MTHFD1: variants seen among roughly 807,000 people sequenced by gnomAD.
The protein encoded by MTHFD1 is C-1-tetrahydrofolate synthase, cytoplasmic.
MTHFD1 carries 44 observed loss-of-function variants against 110.3 expected under a neutral mutation model. The ratio of observed to expected loss-of-function variants is 0.40; its 90% CI spans 0.31 to 0.51. The LOEUF (loss-of-function observed/expected upper bound fraction) is 0.51. Among genes scored for constraint, MTHFD1 ranks in the 20% least tolerant of loss-of-function variants. The pLI is 0.60. For synonymous variants in MTHFD1, 402 were observed against 428.8 expected, an observed-to-expected ratio of 0.94 and a Z score of 0.77; for missense variants, 909 against 1,173.1, an observed-to-expected ratio of 0.77 and a Z score of 3.29.
chr14:64,427,624 G>A (rs2078127873), intron 12 of MTHFD1, 151 bp downstream of exon 12: 1 of 832,300 alleles, frequency 1.2e-6, no homozygotes, highest in Non-Finnish European at 2.0e-6. Flanking sequence ...TCATGCTTTT[G>A]ATGAAGGCTG....
At chr14:64,422,217 AT>A (rs1454889296) in intron 8 of MTHFD1, among the ~76,000 whole-genome samples, 2 of 152,138 alleles carry the variant, frequency 1.3e-5, no homozygotes, top group African/African-American at 4.8e-5. Flanking sequence ...GCTGGATGTT[AT>A]TGTGTTCCCC....
chr14:64,450,905 C>T (rs1168901388), intron 24 of MTHFD1, among the ~76,000 whole-genome samples: 1 of 152,068 alleles, frequency 6.6e-6, no homozygotes, highest in African/African-American at 2.4e-5. Context: ...CAGTGGCTCA[C>T]CCCTGTAACC....
chr14:64,416,773 T>C (rs2078029444), intron 6 of MTHFD1, among the ~76,000 whole-genome samples: 1 of 152,150 alleles, frequency 6.6e-6, no homozygotes, highest in Non-Finnish European at 1.5e-5. Flanking sequence ...AGTGCCTTGC[T>C]TAAAAGAAAA....
intron 12 of MTHFD1, 126 bp downstream of exon 12, chr14:64,427,599 C>A: frequency 1.0e-6 from 1 of 974,426 alleles, no homozygotes; most frequent in Non-Finnish European, 1.6e-6. Context: ...ATGTCATTCT[C>A]ACAAACCTCT....
intron 7 of MTHFD1, chr14:64,419,372 G>GCA (rs71123847): frequency 1.6e-5 from 4 of 247,676 alleles, no homozygotes; most frequent in East Asian, 9.7e-5. Flanking sequence ...CCAAGAATGC[G>GCA]CACACACACA....
At chr14:64,440,023 A>G (rs1325548006) in intron 17 of MTHFD1, 103 bp from the exon 18 acceptor site, 9 of 1,003,884 alleles carry the variant, frequency 9.0e-6, no homozygotes, top group African/African-American at 3.2e-5. Context: ...TATCCTTTTA[A>G]GCTATTTGTT....
Position 64,457,531 on chromosome 14 carries a change from C to T in MTHFD1, c.2719-683C>T, listed in dbSNP as rs539036960. On this transcript the variant is annotated intron_variant, in intron 26 of 27. Coordinates refer to ENST00000652337, the MANE Select transcript of MTHFD1 (RefSeq NM_005956.4). ...AGTGCAGTGGCAAGATCTCGGCTCA[C>T]TGCAACCTCCGCCTCCCAGGTTCAA... Among the ~76,000 whole-genome samples the T allele has an allele frequency of 2.0e-5, 3 of 151,766 alleles. No homozygotes were observed. In the East Asian group the frequency reaches 5.8e-4, roughly 29 times the overall value.
At chr14:64,394,888 T>C (rs937439615) in intron 1 of MTHFD1, among the ~76,000 whole-genome samples, 18 of 152,164 alleles carry the variant, frequency 1.2e-4, no homozygotes, top group African/African-American at 4.3e-4. Context: ...TGGAGAACCC[T>C]TACCTTCCCC....
chr14:64,436,397 C>A (rs1431863636), intron 16 of MTHFD1, among the ~76,000 whole-genome samples: 1 of 152,074 alleles, frequency 6.6e-6, no homozygotes, highest in Non-Finnish European at 1.5e-5. Flanking sequence ...CCCGGCCTAC[C>A]TAATCATTTT....
intron 7 of MTHFD1, among the ~76,000 whole-genome samples, 188 bp downstream of exon 7, chr14:64,418,212 T>G (rs574893394): frequency 6.6e-6 from 1 of 152,208 alleles, no homozygotes; most frequent in East Asian, 1.9e-4. Context: ...TTTGGGAGTC[T>G]GAGGCAGGAG....
At chr14:64,406,232 T>G (rs1448110060) in intron 2 of MTHFD1, among the ~76,000 whole-genome samples, 1 of 151,354 alleles carries the variant, frequency 6.6e-6, no homozygotes, top group African/African-American at 2.4e-5. Context: ...TGAGATGAGA[T>G]TTCACCATGT....
chr14:64,455,014 T>C, intron 26 of MTHFD1, 139 bp downstream of exon 26: 1 of 860,322 alleles, frequency 1.2e-6, no homozygotes. Context: ...TTATGATTGC[T>C]GTGGATCATA....
At chr14:64,388,910 G>A (rs2140937530) in intron 1 of MTHFD1, 1 of 243,102 alleles carries the variant, frequency 4.1e-6, no homozygotes. Flanking sequence ...CCAGCTCATA[G>A]CTTTTCCCAC....
Position 64,441,109 on chromosome 14 carries a change from G to A in MTHFD1, c.1816-276G>A, listed in dbSNP as rs375858199. ...CGGGAGGCTGAGGCAGGAGAATGGCGTGAACCTGGGAGGTGGAGCTTGCAG... is the reference window on the plus strand; with the variant it reads ...CGGGAGGCTGAGGCAGGAGAATGGCATGAACCTGGGAGGTGGAGCTTGCAG... On this transcript the variant is annotated intron_variant, in intron 18 of 27. Coordinates refer to ENST00000652337, the MANE Select transcript of MTHFD1 (RefSeq NM_005956.4). 1.9e-4 allele frequency: 76 copies of A among 397,866 alleles called. 3 individuals carry two copies. Among genetic ancestry groups the A allele is most frequent in the South Asian group, 1.2e-3 (57 of 47,328 alleles). The allele number at this position is 397,866 out of a possible 1,614,324, so 24.6% of individuals were successfully genotyped here.
At chr14:64,410,565 G>A (rs2077975965) in intron 2 of MTHFD1, among the ~76,000 whole-genome samples, 1 of 152,100 alleles carries the variant, frequency 6.6e-6, no homozygotes, top group African/African-American at 2.4e-5. Flanking sequence ...CCTTTGTCTT[G>A]CCTGGCTGTT....
intron 2 of MTHFD1, among the ~76,000 whole-genome samples, chr14:64,401,461 G>T (rs2077896134): frequency 6.6e-6 from 1 of 152,188 alleles, no homozygotes; most frequent in African/African-American, 2.4e-5. Flanking sequence ...CCAGCACTTT[G>T]GGAGGCCGAG....
intron 12 of MTHFD1, among the ~76,000 whole-genome samples, chr14:64,428,709 A>G (rs977763539): frequency 1.5e-4 from 22 of 151,702 alleles, no homozygotes; most frequent in African/African-American, 5.1e-4. Context: ...GCGTGCCACC[A>G]TGCCTGGCTA....
chr14:64,441,432 C>G lies in MTHFD1; in HGVS notation c.1863C>G (p.Pro621=), dbSNP rs1024594462. ...TGCTTATGAAGGACGCAATCAAGCC[C>G]AATCTCATGCAGACACTGGAGGTGA... ...LTVLMKDAIK[P]NLMQTLEGTP... The change falls in exon 19 of 28, where the codon CCC becomes CCG. Residue 621 remains proline, a synonymous_variant. Coordinates refer to ENST00000652337, the MANE Select transcript of MTHFD1 (RefSeq NM_005956.4). The G allele has an allele frequency of 2.5e-6, 4 of 1,614,034 alleles. No individual in the cohort carries two copies. Among genetic ancestry groups the G allele is most frequent in the Non-Finnish European group, 3.4e-6 (4 of 1,179,958 alleles).
chr14:64,426,276 G>A, intron 11 of MTHFD1, 84 bp downstream of exon 11: 2 of 1,468,770 alleles, frequency 1.4e-6, no homozygotes, highest in East Asian at 2.3e-5. Flanking sequence ...GCACATGTAT[G>A]TAGAGGTGCC....
Sources: gnomAD v4.1 joint callset for allele counts (sites outside exome capture counted in the v4.1 genomes callset) on GRCh38, gnomAD v4.1.1 for gene constraint, MANE v1.5 for transcripts, NCBI Gene and HGNC (gene_info 2026-07-23, HGNC 2026-07-21) for gene names.